The following UCHL5 variants were observed in gnomAD, a reference collection of about 807,000 sequenced individuals.
UCHL5 encodes ubiquitin C-terminal hydrolase L5.
UCHL5 carries 34 observed loss-of-function variants against 53.8 expected under a neutral mutation model. The observed-to-expected ratio is 0.63, with a 90% CI of 0.48 to 0.84. The LOEUF (loss-of-function observed/expected upper bound fraction) is 0.84. Ranked by LOEUF, UCHL5 falls within the 40% of genes least tolerant of loss-of-function variation. The pLI is 0.00. For missense variants in UCHL5, 290 were observed against 385.6 expected (o/e 0.75, Z 2.08); for synonymous variants, 111 against 126.3 (o/e 0.88, Z 0.81).
rs547128149 is a variant in UCHL5, at chr1:193,042,466, G to A, written c.246+7280C>T. Among the ~76,000 whole-genome samples the A allele has an allele frequency of 4.6e-5, 7 of 152,252 alleles. No homozygotes were observed. The South Asian group carries it at 1.5e-3, about 32-fold the overall frequency. ...TATAATCCCATTCTGGGTACCTTAA[G>A]AGCAACTTTTTAGGAAAAAAGAAAA... On this transcript the variant is annotated intron_variant, in intron 3 of 10. Coordinates refer to ENST00000367454, the MANE Select transcript of UCHL5 (RefSeq NM_001199261.3).
At chr1:193,060,053 T>C, upstream of UCHL5, 1 of 1,334,290 alleles carries the variant, frequency 7.5e-7, no homozygotes, top group Non-Finnish European at 1.0e-6. Context: ...TCGGCATCGC[T>C]CCCCACAGGC....
intron 2 of UCHL5, among the ~76,000 whole-genome samples, chr1:193,050,068 T>C (rs1668534411): frequency 1.3e-5 from 2 of 152,224 alleles, no homozygotes; most frequent in African/African-American, 4.8e-5. Context: ...AATAAAATTG[T>C]AGTGAAAGGT....
chr1:193,043,124 C>T (rs981348871), intron 3 of UCHL5, among the ~76,000 whole-genome samples: 1 of 116,598 alleles, frequency 8.6e-6, no homozygotes, highest in East Asian at 2.3e-4. Context: ...AACAAAAGAG[C>T]CTGGAGCCTT....
Position 193,023,021 on chromosome 1 carries a change from C to T in UCHL5, c.748G>A (p.Asp250Asn). ...RQLAEEPMDT[D>N]QGNSMLSAIQ... Reference sequence around the variant, plus strand: ...GCACTTAACATACTATTACCTTGATCTGTATCCATGGGTTCCTCCTTGGGG... The same window carrying T: ...GCACTTAACATACTATTACCTTGATTTGTATCCATGGGTTCCTCCTTGGGG... The change falls in exon 9 of 11, where the codon GAT (aspartate) becomes AAT (asparagine). Residue 250 changes from aspartate (D) to asparagine (N), a missense_variant. Transcript: ENST00000367454. The T allele has an allele frequency of 6.2e-7, 1 of 1,612,990 alleles. No homozygotes were observed. Among genetic ancestry groups the T allele is most frequent in the African/African-American group, 1.3e-5 (1 of 74,988 alleles).
At chr1:193,050,109 T>C (rs1237729195) in intron 2 of UCHL5, among the ~76,000 whole-genome samples, 1 of 152,224 alleles carries the variant, frequency 6.6e-6, no homozygotes, top group African/African-American at 2.4e-5. Context: ...TATTCATTTC[T>C]ACCTGATATT....
chr1:193,049,821 C>T lies in UCHL5; in HGVS notation c.171G>A (p.Lys57=). Residue 57 remains lysine, a synonymous_variant, in exon 3 of 11, where the codon AAG becomes AAA. Coordinates refer to ENST00000367454, the MANE Select transcript of UCHL5 (RefSeq NM_001199261.3). ...CTGCTGGTTCTTCTCCTGGCTGCCA[C>T]TTGAAAAGAAAAATTAACCCATGAA... ...KPVHGLIFLF[K]WQPGEEPAGS... The T allele has an allele frequency of 6.2e-7, 1 of 1,611,768 alleles. No homozygotes were observed. Among genetic ancestry groups the T allele is most frequent in the South Asian group, 1.1e-5 (1 of 90,880 alleles).
intron 3 of UCHL5, among the ~76,000 whole-genome samples, chr1:193,043,166 A>AAAAAAAAAAAC (rs1666238186): frequency 6.7e-6 from 1 of 148,324 alleles, no homozygotes; most frequent in Non-Finnish European, 1.5e-5. Context: ...AAAAAAAAAA[A>AAAAAAAAAAAC]AAAAAAAAAA....
At chr1:193,030,989 A>G (rs1475103987) in intron 3 of UCHL5, among the ~76,000 whole-genome samples, 1 of 152,176 alleles carries the variant, frequency 6.6e-6, no homozygotes, top group African/African-American at 2.4e-5. Flanking sequence ...AGCATTTTGT[A>G]TTCAAAACTG....
At chr1:193,018,730 A>G (rs1225452508) in intron 10 of UCHL5, 6 of 1,418,234 alleles carry the variant, frequency 4.2e-6, no homozygotes, top group Non-Finnish European at 5.6e-6. Flanking sequence ...GTAGAATCTC[A>G]GCATATAGTA....
Position 193,023,832 on chromosome 1 carries a change from A to G in UCHL5, c.732+12T>C, listed in dbSNP as rs2102353302. 6.3e-7 allele frequency: 1 copy of G among 1,599,352 alleles called. No homozygotes were observed. The highest frequency in any genetic ancestry group is 2.2e-5 in the East Asian group (1 of 44,578). ...AAGCTAGAACTTTGTACTTAGAAACATGGCCACGAACCTCTGCAAGTTGTC... is the reference window on the plus strand; with the variant it reads ...AAGCTAGAACTTTGTACTTAGAAACGTGGCCACGAACCTCTGCAAGTTGTC... On this transcript the variant is annotated intron_variant, in intron 8 of 10. Coordinates refer to ENST00000367454, the MANE Select transcript of UCHL5 (RefSeq NM_001199261.3).
At chr1:193,022,524 G>C (rs1435509302) in intron 9 of UCHL5, among the ~76,000 whole-genome samples, 1 of 152,066 alleles carries the variant, frequency 6.6e-6, no homozygotes, top group Non-Finnish European at 1.5e-5. Flanking sequence ...AGCCTAGCCA[G>C]GCATGGTGGT....
At chr1:193,047,344 T>A (rs1392978679) in intron 3 of UCHL5, among the ~76,000 whole-genome samples, 2 of 152,136 alleles carry the variant, frequency 1.3e-5, no homozygotes, top group Non-Finnish European at 2.9e-5. Flanking sequence ...TGTTCATCAC[T>A]ATATTTATAT....
rs1336142542 is a variant in UCHL5, at chr1:193,013,545, A to C, written c.*2806T>G. On this transcript the variant is annotated 3_prime_UTR_variant, in exon 11 of 11. Transcript: ENST00000367454. ...AGGATCACTAAATACATAAAATGTT[A>C]ATGTGCTCATCCCTGTAAATAGAAA... is the stretch of plus-strand genomic sequence containing the variant. 6.6e-6 allele frequency: 1 copy of C among 152,192 alleles called. No individual in the cohort carries two copies. Among genetic ancestry groups the C allele is most frequent in the Non-Finnish European group, 1.5e-5 (1 of 68,022 alleles). The allele number at this position is 152,192 out of a possible 1,614,324, so 9.4% of individuals were successfully genotyped here.
At chr1:193,036,140 CAAT>C (rs1224209632) in intron 3 of UCHL5, among the ~76,000 whole-genome samples, 1 of 151,418 alleles carries the variant, frequency 6.6e-6, no homozygotes, top group Admixed American at 6.6e-5. Context: ...CCTCACTTAT[CAAT>C]AATAACACTG....
In UCHL5 at chr1:193,054,685, C is replaced by T. The variant is rs570613331; in HGVS notation, c.77-2868G>A. Among the ~76,000 whole-genome samples the T allele has an allele frequency of 2.3e-4, 35 of 152,260 alleles. No homozygotes were observed. In the South Asian group the frequency reaches 6.6e-3, roughly 29 times the overall value. ...CTTGCTTCCAGGGGCACCATATGCACCCCAAGACTTCTTGTGTGAAAGCCA... is the reference window on the plus strand; with the variant it reads ...CTTGCTTCCAGGGGCACCATATGCATCCCAAGACTTCTTGTGTGAAAGCCA... On this transcript the variant is annotated intron_variant, in intron 1 of 10. Transcript: ENST00000367454.
intron 3 of UCHL5, among the ~76,000 whole-genome samples, chr1:193,035,160 A>C (rs1470963682): frequency 6.6e-6 from 1 of 152,078 alleles, no homozygotes; most frequent in African/African-American, 2.4e-5. Flanking sequence ...ACAAATTATT[A>C]GTGATAATAG....
Position 193,029,531 on chromosome 1 carries a change from C to T in UCHL5, c.372+1G>A. The stretch of plus-strand genomic sequence containing the variant: ...TTTAGGAATAAGAAGATTGTACTCA[C>T]AGCTGCATCAAAACTTTGTGAAAAT... On this transcript the variant is annotated splice_donor_variant, in intron 4 of 10. Coordinates refer to ENST00000367454, the MANE Select transcript of UCHL5 (RefSeq NM_001199261.3). LOFTEE classifies it high-confidence loss of function. 6.2e-7 allele frequency: 1 copy of T among 1,613,484 alleles called. No individual in the cohort carries two copies. The highest frequency in any genetic ancestry group is 8.5e-7 in the Non-Finnish European group (1 of 1,179,706).
Position 193,051,776 on chromosome 1 carries a change from G to C in UCHL5, c.118C>G (p.Pro40Ala), listed in dbSNP as rs867696559. ...TACTTTAATTTTTCAAAATTCTCAG[G>C]CTCTAAACTCCATATTTCTTCTACT... is the stretch of plus-strand genomic sequence containing the variant. ...AQVEEIWSLE[P>A]ENFEKLKPVH... Residue 40 changes from proline (P) to alanine (A), a missense_variant, in exon 2 of 11, where the codon CCT (proline) becomes GCT (alanine). Transcript: ENST00000367454. The C allele has an allele frequency of 6.3e-7, 1 of 1,596,400 alleles. No individual in the cohort carries two copies. The highest frequency in any genetic ancestry group is 1.4e-5 in the African/African-American group (1 of 74,060).
intron 3 of UCHL5, among the ~76,000 whole-genome samples, chr1:193,037,944 G>A (rs955415704): frequency 1.4e-5 from 2 of 146,894 alleles, no homozygotes; most frequent in Non-Finnish European, 3.0e-5. Flanking sequence ...GAGTCATCCA[G>A]GGATGCAAGA....
Sources: gnomAD v4.1 joint callset for allele counts (sites outside exome capture counted in the v4.1 genomes callset) on GRCh38, gnomAD v4.1.1 for gene constraint, MANE v1.5 for transcripts, NCBI Gene and HGNC (gene_info 2026-07-23, HGNC 2026-07-21) for gene names.